The following XRRA1 variants were observed in gnomAD, a reference collection of about 807,000 sequenced individuals.
XRRA1 encodes X-ray radiation resistance-associated protein 1.
Under a neutral mutation model 80.2 loss-of-function variants are expected in XRRA1, and 69 were observed. The ratio of observed to expected loss-of-function variants is 0.86; its 90% CI spans 0.71 to 1.05. The LOEUF (loss-of-function observed/expected upper bound fraction) is 1.05. XRRA1 is among the 50% of genes least tolerant of loss of function. The pLI, the probability that XRRA1 is intolerant of heterozygous loss-of-function variation, is 0.00. For synonymous variants in XRRA1, 348 were observed against 389.9 expected (o/e 0.89, Z 1.27); for missense variants, 967 against 976.4 (o/e 0.99, Z 0.13).
intron 1 of XRRA1, among the ~76,000 whole-genome samples, chr11:74,946,998 G>A (rs995192542): frequency 3.3e-5 from 5 of 152,028 alleles, no homozygotes; most frequent in East Asian, 2.0e-4. Context: ...TGATCCGCCC[G>A]CCTCGGCCTC....
At chr11:74,905,429 C>CA (rs2054370173) in intron 10 of XRRA1, among the ~76,000 whole-genome samples, 1 of 152,140 alleles carries the variant, frequency 6.6e-6, no homozygotes. Context: ...CTGAGGCTCT[C>CA]AAAACCGTAT....
Position 74,843,460 on chromosome 11 carries a change from G to A in XRRA1, c.2150-7C>T. On this transcript the variant is annotated splice_region_variant and splice_polypyrimidine_tract_variant and intron_variant, in intron 18 of 18. Coordinates refer to ENST00000684022, the MANE Select transcript of XRRA1 (RefSeq NM_001378157.1). Reference sequence around the variant, plus strand: ...CACTGGTGCAGGACAGCACCTGCAGGAAAAGAAGCCAGGAGAGGCACCAAG... The same window carrying A: ...CACTGGTGCAGGACAGCACCTGCAGAAAAAGAAGCCAGGAGAGGCACCAAG... The A allele has an allele frequency of 6.2e-7, 1 of 1,609,574 alleles. No individual in the cohort carries two copies. The highest frequency in any genetic ancestry group is 2.2e-5 in the East Asian group (1 of 44,720).
chr11:74,913,996 AT>A (rs1565392992), intron 8 of XRRA1, among the ~76,000 whole-genome samples: 1 of 151,808 alleles, frequency 6.6e-6, no homozygotes, highest in Non-Finnish European at 1.5e-5. Context: ...TTATTTATTT[AT>A]TTTTTGAGAT....
intron 8 of XRRA1, among the ~76,000 whole-genome samples, chr11:74,918,129 C>A (rs1021648892): frequency 8.5e-5 from 13 of 152,048 alleles, no homozygotes; most frequent in African/African-American, 3.1e-4. Flanking sequence ...TTCAGAAGAC[C>A]ACATCAGTTA....
chr11:74,927,044 A>T (rs780541043), intron 7 of XRRA1, among the ~76,000 whole-genome samples: 6 of 150,488 alleles, frequency 4.0e-5, no homozygotes, highest in Non-Finnish European at 8.9e-5. Flanking sequence ...CTAGATCCAG[A>T]TCTCCCCTCA....
intron 10 of XRRA1, among the ~76,000 whole-genome samples, chr11:74,898,917 T>C (rs2137762990): frequency 6.6e-6 from 1 of 152,290 alleles, no homozygotes; most frequent in Non-Finnish European, 1.5e-5. Flanking sequence ...ACTTAACAGA[T>C]ATTTACAGAA....
At chr11:74,908,937 A>C (rs1346782787) in intron 8 of XRRA1, among the ~76,000 whole-genome samples, 1 of 152,190 alleles carries the variant, frequency 6.6e-6, no homozygotes, top group East Asian at 1.9e-4. Flanking sequence ...GTAAAGAAAA[A>C]TGTGGCAAGT....
chr11:74,879,782 T>C (rs2047031461), intron 10 of XRRA1, among the ~76,000 whole-genome samples: 1 of 148,714 alleles, frequency 6.7e-6, no homozygotes, highest in Non-Finnish European at 1.5e-5. Context: ...GATTTGCGTA[T>C]ATTGAACCAG....
intron 10 of XRRA1, among the ~76,000 whole-genome samples, chr11:74,880,196 G>A (rs1318056092): frequency 1.3e-5 from 2 of 152,212 alleles, no homozygotes; most frequent in Non-Finnish European, 2.9e-5. Flanking sequence ...AGTCTTCAGA[G>A]AGTGTATGTG....
In XRRA1 at chr11:74,843,842, G is replaced by A. The variant is rs1490388448; in HGVS notation, c.2149+12C>T. 3 of 1,596,902 alleles carry A rather than the reference G, an allele frequency of 1.9e-6. No homozygotes were observed. The highest frequency in any genetic ancestry group is 1.3e-5 in the African/African-American group (1 of 74,632). Reference sequence around the variant, plus strand: ...TGGATCTGGGATCCTGGCAGCTGTGGCAGAGCCGTACCTAGTGGAGCCTCT... The same window carrying A: ...TGGATCTGGGATCCTGGCAGCTGTGACAGAGCCGTACCTAGTGGAGCCTCT... On this transcript the variant is annotated intron_variant, in intron 18 of 18. Transcript: ENST00000684022.
At chr11:74,927,593 T>A in intron 6 of XRRA1, 105 bp from the exon 7 acceptor site, 1 of 708,810 alleles carries the variant, frequency 1.4e-6, no homozygotes, top group Non-Finnish European at 2.4e-6. Flanking sequence ...GGCCAGGCAC[T>A]GTATAAGGTA....
chr11:74,942,348 A>G (rs2139968078), intron 2 of XRRA1, among the ~76,000 whole-genome samples: 1 of 152,352 alleles, frequency 6.6e-6, no homozygotes, highest in Non-Finnish European at 1.5e-5. Context: ...GAAAGAGTGA[A>G]TGGAAGGCAA....
chr11:74,896,946 T>C (rs569643988), intron 10 of XRRA1, among the ~76,000 whole-genome samples: 4 of 152,228 alleles, frequency 2.6e-5, no homozygotes, highest in African/African-American at 9.6e-5. Flanking sequence ...CAGATTATGA[T>C]GACTACAGTA....
At chr11:74,918,299 A>AGTGTGTGTGTGTGT (rs35763136) in intron 8 of XRRA1, among the ~76,000 whole-genome samples, 66 of 150,156 alleles carry the variant, frequency 4.4e-4, no homozygotes, top group South Asian at 2.3e-3. Context: ...TTCCTTCCTT[A>AGTGTGTGTGTGTGT]GTGTGTGTGT....
intron 10 of XRRA1, among the ~76,000 whole-genome samples, chr11:74,890,473 A>G (rs568277073): frequency 8.9e-4 from 135 of 152,374 alleles, no homozygotes; most frequent in Non-Finnish European, 1.7e-3. Flanking sequence ...TTGACACCCT[A>G]ACATCACAAT....
At chr11:74,856,661 C>T (rs2041178319) in intron 12 of XRRA1, among the ~76,000 whole-genome samples, 1 of 152,230 alleles carries the variant, frequency 6.6e-6, no homozygotes, top group South Asian at 2.1e-4. Context: ...AAGCTGCAGA[C>T]ATCCAGGGAG....
chr11:74,947,886 G>A (rs1042590031), intron 1 of XRRA1, among the ~76,000 whole-genome samples: 6 of 152,012 alleles, frequency 3.9e-5, no homozygotes, highest in East Asian at 1.9e-4. Flanking sequence ...TACCACGCCC[G>A]GCTCATTTTT....
chr11:74,891,684 C>CTGAT lies in XRRA1; in HGVS notation c.1003+14551_1003+14554dup, dbSNP rs1318161217. Among the ~76,000 whole-genome samples the CTGAT allele has an allele frequency of 1.3e-3, 193 of 152,292 alleles. 1 individual carries two copies. Among genetic ancestry groups the CTGAT allele is most frequent in the African/African-American group, 4.4e-3 (184 of 41,556 alleles). ...TGTCTCAGCCCAAAATCTCCTTAAG[C>CTGAT]TGATAGGCAACTTCAGCAAAGTCTC... On this transcript the variant is annotated intron_variant, in intron 10 of 18. Coordinates refer to ENST00000684022, the MANE Select transcript of XRRA1 (RefSeq NM_001378157.1).
intron 8 of XRRA1, among the ~76,000 whole-genome samples, chr11:74,907,990 A>G (rs534949527): frequency 9.6e-4 from 146 of 152,270 alleles, no homozygotes; most frequent in African/African-American, 3.3e-3. Flanking sequence ...CAGGTAGATG[A>G]GACCTAGGTA....
Sources: allele counts gnomAD v4.1 joint callset (sites outside exome capture counted in the v4.1 genomes callset), GRCh38; gene constraint gnomAD v4.1.1; transcripts MANE v1.5; gene names NCBI Gene and HGNC (gene_info 2026-07-23, HGNC 2026-07-21).